Variants in CSTF3 observed in about 807,000 individuals in gnomAD.
CSTF3 encodes the protein CF-1 77 kDa subunit.
Under a neutral mutation model 105.8 loss-of-function variants are expected in CSTF3, and 29 were observed. That is an observed-to-expected ratio of 0.27 (90% CI 0.20 to 0.37). CSTF3 has a LOEUF of 0.37. CSTF3 is among the 10% of genes least tolerant of loss of function. The pLI is 1.00. For missense variants in CSTF3, 357 were observed against 879.3 expected (o/e 0.41, Z 7.51); for synonymous variants, 252 against 281.9 (o/e 0.89, Z 1.06).
At chr11:33,131,189 T>C (rs1043043432) in intron 3 of CSTF3, among the ~76,000 whole-genome samples, 1 of 152,196 alleles carries the variant, frequency 6.6e-6, no homozygotes, top group African/African-American at 2.4e-5. Context: ...GAATAGCAAC[T>C]AGAATTTTAG....
intron 1 of CSTF3, chr11:33,156,764 C>T (rs1283170949): frequency 1.5e-5 from 7 of 452,696 alleles, no homozygotes; most frequent in African/African-American, 1.2e-4. Context: ...TCCAGGAGTT[C>T]AAGACCAGCC....
At chr11:33,134,400 A>T (rs1855631787) in intron 3 of CSTF3, 1 of 152,206 alleles carries the variant, frequency 6.6e-6, no homozygotes, top group Non-Finnish European at 1.5e-5. Context: ...CAAATACGGG[A>T]AGCACAAAAC....
At chr11:33,137,647 T>C (rs183389518) in intron 3 of CSTF3, among the ~76,000 whole-genome samples, 12 of 151,944 alleles carry the variant, frequency 7.9e-5, no homozygotes, top group African/African-American at 2.9e-4. Flanking sequence ...TATATATGCA[T>C]CTAAGAAACT....
intron 1 of CSTF3, among the ~76,000 whole-genome samples, chr11:33,160,547 A>T: frequency 6.6e-6 from 1 of 152,218 alleles, no homozygotes; most frequent in African/African-American, 2.4e-5. Flanking sequence ...TTTCACACTA[A>T]AAGGTAAATA....
chr11:33,103,030 A>G, intron 9 of CSTF3, 77 bp downstream of exon 9: 1 of 916,484 alleles, frequency 1.1e-6, no homozygotes, highest in Non-Finnish European at 1.7e-6. Context: ...TATCAAGAGT[A>G]ATACCAGACA....
At chr11:33,092,187 A>C in intron 16 of CSTF3, 84 bp downstream of exon 16, 1 of 857,120 alleles carries the variant, frequency 1.2e-6, no homozygotes. Flanking sequence ...ACTCATACTC[A>C]AGCAAACATT....
chr11:33,151,944 C>T (rs1188376488), intron 1 of CSTF3, among the ~76,000 whole-genome samples: 1 of 152,180 alleles, frequency 6.6e-6, no homozygotes, highest in Non-Finnish European at 1.5e-5. Flanking sequence ...TGATGGCTAT[C>T]AAAGTAGAGC....
intron 3 of CSTF3, among the ~76,000 whole-genome samples, chr11:33,138,006 C>CATT (rs759216816): frequency 4.6e-5 from 7 of 151,542 alleles, no homozygotes; most frequent in African/African-American, 9.7e-5. Context: ...GAAGAAAGGT[C>CATT]ATTTTGAAAA....
chr11:33,095,193 C>T (rs988533490), intron 15 of CSTF3, among the ~76,000 whole-genome samples: 39 of 152,286 alleles, frequency 2.6e-4, no homozygotes, highest in African/African-American at 7.7e-4. Flanking sequence ...AGCCACCACG[C>T]CCGGCCTATT....
At chr11:33,127,669 C>T (rs756574434) in intron 3 of CSTF3, among the ~76,000 whole-genome samples, 1 of 152,068 alleles carries the variant, frequency 6.6e-6, no homozygotes, top group Non-Finnish European at 1.5e-5. Context: ...GCTCTGTCGC[C>T]CAGGCTAGAG....
chr11:33,085,583 T>G, intron 20 of CSTF3, 130 bp downstream of exon 20: 1 of 804,614 alleles, frequency 1.2e-6, no homozygotes, highest in Non-Finnish European at 2.1e-6. Flanking sequence ...TTTGGGTAAC[T>G]CCTGGGTTTC....
chr11:33,154,442 CT>C (rs969793893), intron 1 of CSTF3, among the ~76,000 whole-genome samples: 1 of 144,188 alleles, frequency 6.9e-6, no homozygotes, highest in African/African-American at 2.5e-5. Context: ...CTGTGGTTAA[CT>C]TTTTTTCAAA....
At chr11:33,128,214 T>C (rs1217921138) in intron 3 of CSTF3, among the ~76,000 whole-genome samples, 2 of 152,138 alleles carry the variant, frequency 1.3e-5, no homozygotes, top group Non-Finnish European at 2.9e-5. Flanking sequence ...TTAGGAAATG[T>C]TTTTCCCCCT....
intron 3 of CSTF3, among the ~76,000 whole-genome samples, chr11:33,110,513 G>C (rs957541174): frequency 6.6e-6 from 1 of 152,190 alleles, no homozygotes; most frequent in Non-Finnish European, 1.5e-5. Context: ...GAGGTAAACA[G>C]AGTGGGAATA....
chr11:33,159,544 C>T (rs554189034), intron 1 of CSTF3, among the ~76,000 whole-genome samples: 10 of 124,664 alleles, frequency 8.0e-5, no homozygotes, highest in South Asian at 2.5e-4. Flanking sequence ...TGCAGTAAGG[C>T]GAAATCGCGC....
Position 33,085,916 on chromosome 11 carries a change from GAGA to G in CSTF3, c.1866_1868del (p.Leu623del). 1 of 1,556,568 alleles carries G rather than the reference GAGA, an allele frequency of 6.4e-7. No individual in the cohort carries two copies. Among genetic ancestry groups the G allele is most frequent in the Non-Finnish European group, 8.7e-7 (1 of 1,154,600 alleles). ...AAACCTGGAAACAGATAGGAGGAGG[GAGA>G]AGTTTCATTAAAACAACAGCTGCAG... is the stretch of plus-strand genomic sequence containing the variant. On this transcript the variant is annotated inframe_deletion, in exon 19 of 21. Coordinates refer to ENST00000323959, the MANE Select transcript of CSTF3 (RefSeq NM_001326.3).
At position 33,155,466 on chromosome 11, in the gene CSTF3, AT is replaced by A. The variant is rs1451006570; in HGVS notation, c.27+5832del. Among the ~76,000 whole-genome samples, 3 of 152,086 alleles carry A rather than the reference AT, an allele frequency of 2.0e-5. No individual in the cohort carries two copies. The East Asian group carries it at 5.8e-4, about 29-fold the overall frequency. On this transcript the variant is annotated intron_variant, in intron 1 of 20. Coordinates refer to ENST00000323959, the MANE Select transcript of CSTF3 (RefSeq NM_001326.3). ...CATTATCTGCTTAGTAAACTTGCAT[AT>A]TCATCCCCTAGGAAACAAATAGCTA...
At chr11:33,133,349 T>C (rs1051630030) in intron 3 of CSTF3, among the ~76,000 whole-genome samples, 1 of 152,214 alleles carries the variant, frequency 6.6e-6, no homozygotes, top group African/African-American at 2.4e-5. Flanking sequence ...TATCTCCCCA[T>C]TATTTTTTCT....
At position 33,085,752 on chromosome 11, in the gene CSTF3, C is replaced by T; in HGVS notation, c.1912G>A (p.Glu638Lys). ...CATCTTCGGAAAATTTCCATCAGTT[C>T]ATCCACTTGTACAAAAGGACCCTAT... ...CFQGPFVQVD[E>K]LMEIFRRCKI... Residue 638 changes from glutamate to lysine, a missense_variant, in exon 20 of 21, where the codon GAA becomes AAA. By Grantham distance (56) the Glu-to-Lys change is moderately conservative (BLOSUM62 1). Transcript: ENST00000323959. 6.2e-7 allele frequency: 1 copy of T among 1,613,896 alleles called. No homozygotes were observed. Among genetic ancestry groups the T allele is most frequent in the Non-Finnish European group, 8.5e-7 (1 of 1,179,788 alleles).
Sources: gnomAD v4.1 joint callset for allele counts (sites outside exome capture counted in the v4.1 genomes callset) on GRCh38, gnomAD v4.1.1 for gene constraint, MANE v1.5 for transcripts, NCBI Gene and HGNC (gene_info 2026-07-23, HGNC 2026-07-21) for gene names.